The following EPSTI1 variants were observed in gnomAD, a reference collection of about 807,000 sequenced individuals.
EPSTI1 encodes epithelial-stromal interaction protein 1.
A neutral mutation model predicts 49.9 loss-of-function variants in EPSTI1; 66 were observed. That is an observed-to-expected ratio of 1.32 (90% CI 1.08 to 1.62). The LOEUF (loss-of-function observed/expected upper bound fraction) is 1.62. EPSTI1 is among the 40% of genes most tolerant of loss of function. The pLI, the probability that EPSTI1 is intolerant of heterozygous loss-of-function variation, is 0.00. For missense variants in EPSTI1, 394 were observed against 365.5 expected (o/e 1.08, Z -0.64); for synonymous variants, 137 against 130.7 (o/e 1.05, Z -0.33).
At chr13:42,972,235 G>C (rs1026562800) in intron 1 of EPSTI1, among the ~76,000 whole-genome samples, 1 of 152,160 alleles carries the variant, frequency 6.6e-6, no homozygotes, top group Non-Finnish European at 1.5e-5. Context: ...CTATACTCCA[G>C]ATCAGTAGTT....
At chr13:42,916,912 G>C (rs531717759) in intron 8 of EPSTI1, among the ~76,000 whole-genome samples, 30 of 152,094 alleles carry the variant, frequency 2.0e-4, no homozygotes, top group African/African-American at 7.0e-4. Flanking sequence ...ATTAAAAGCA[G>C]GTATGAACAT....
intron 1 of EPSTI1, among the ~76,000 whole-genome samples, chr13:42,986,759 A>C (rs1305220328): frequency 6.6e-6 from 1 of 151,412 alleles, no homozygotes; most frequent in Non-Finnish European, 1.5e-5. Flanking sequence ...AAAAAAAAAA[A>C]AAAAAAAAAA....
chr13:42,967,881 G>C (rs1465619685), intron 3 of EPSTI1, among the ~76,000 whole-genome samples: 2 of 152,154 alleles, frequency 1.3e-5, no homozygotes, highest in Non-Finnish European at 2.9e-5. Context: ...CATGAATAGA[G>C]AAAAGTCCAG....
At chr13:42,926,020 C>CATGG (rs2038159974) in intron 7 of EPSTI1, among the ~76,000 whole-genome samples, 4 of 21,258 alleles carry the variant, frequency 1.9e-4, no homozygotes, top group Admixed American at 4.0e-4. Context: ...TGGATGGATG[C>CATGG]ATGGATGGAA....
intron 3 of EPSTI1, among the ~76,000 whole-genome samples, chr13:42,964,455 A>C (rs1232748189): frequency 6.6e-6 from 1 of 152,194 alleles, no homozygotes; most frequent in African/African-American, 2.4e-5. Flanking sequence ...AAACAGAAGA[A>C]ATAGTGCCTG....
intron 1 of EPSTI1, among the ~76,000 whole-genome samples, chr13:42,989,584 G>C (rs9594845): frequency 1.4e-3 from 41 of 28,942 alleles, no homozygotes; most frequent in African/African-American, 4.1e-3. Flanking sequence ...TTTTTTTTTT[G>C]CTTTTTGTTT....
intron 6 of EPSTI1, among the ~76,000 whole-genome samples, chr13:42,952,989 C>T (rs1022912758): frequency 2.6e-5 from 4 of 152,066 alleles, no homozygotes; most frequent in Non-Finnish European, 5.9e-5. Context: ...ATTCTGCAAA[C>T]AAGGAACAAC....
At chr13:42,976,436 G>A (rs1439671201) in intron 1 of EPSTI1, among the ~76,000 whole-genome samples, 1 of 152,152 alleles carries the variant, frequency 6.6e-6, no homozygotes, top group Non-Finnish European at 1.5e-5. Context: ...AAGTGTACCT[G>A]AGGCCCTAGG....
At chr13:42,943,411 A>G (rs1418207638) in intron 6 of EPSTI1, among the ~76,000 whole-genome samples, 1 of 152,144 alleles carries the variant, frequency 6.6e-6, no homozygotes, top group Non-Finnish European at 1.5e-5. Context: ...TCCAAACACT[A>G]TCCTGGATCT....
intron 1 of EPSTI1, among the ~76,000 whole-genome samples, chr13:42,989,560 C>CTTCTTTTT (rs1555271083): frequency 2.7e-5 from 1 of 37,028 alleles, no homozygotes; most frequent in African/African-American, 6.7e-5. Context: ...ACTTTATCCT[C>CTTCTTTTT]TTTTTTCTTT....
At chr13:42,980,098 G>T (rs1389207455) in intron 1 of EPSTI1, among the ~76,000 whole-genome samples, 1 of 151,944 alleles carries the variant, frequency 6.6e-6, no homozygotes, top group Non-Finnish European at 1.5e-5. Context: ...GTAAGGAAAA[G>T]ATTATTTCCT....
At position 42,893,721 on chromosome 13, in the gene EPSTI1, AAGTTTTAAG is replaced by A. The variant is rs2037105914; in HGVS notation, c.915+1279_915+1287del. On this transcript the variant is annotated intron_variant, in intron 10 of 10. Coordinates refer to ENST00000313624, the MANE Select transcript of EPSTI1 (RefSeq NM_033255.5). ...CCTCAGTCCCAGATAGGTGCTTTCT[AAGTTTTAAG>A]AGCGGTTCCATAGAGAAGAAATGAC... Among the ~76,000 whole-genome samples, 33 of 152,316 alleles carry A rather than the reference AAGTTTTAAG, an allele frequency of 2.2e-4. No homozygotes were observed. In the South Asian group the frequency reaches 6.4e-3, roughly 30 times the overall value.
At chr13:42,960,837 A>G (rs1403874986) in intron 5 of EPSTI1, among the ~76,000 whole-genome samples, 2 of 152,038 alleles carry the variant, frequency 1.3e-5, no homozygotes, top group African/African-American at 4.8e-5. Context: ...TCATCTCTTC[A>G]TTCTCTATCT....
chr13:42,947,515 G>T (rs1469828290), intron 6 of EPSTI1, among the ~76,000 whole-genome samples: 1 of 152,144 alleles, frequency 6.6e-6, no homozygotes, highest in East Asian at 1.9e-4. Flanking sequence ...TCCAGAGGTG[G>T]TCTCACAAAT....
chr13:42,928,246 A>C (rs187107379), intron 6 of EPSTI1, among the ~76,000 whole-genome samples: 25 of 152,300 alleles, frequency 1.6e-4, no homozygotes, highest in African/African-American at 4.3e-4. Flanking sequence ...ACACTAACTC[A>C]TATTTTTCTA....
At chr13:42,913,889 T>G (rs1291665757) in intron 8 of EPSTI1, among the ~76,000 whole-genome samples, 1 of 152,250 alleles carries the variant, frequency 6.6e-6, no homozygotes, top group African/African-American at 2.4e-5. Flanking sequence ...ATTGCCTCCC[T>G]GCTGTTCTCA....
chr13:42,912,939 CA>C (rs958810200), intron 8 of EPSTI1, among the ~76,000 whole-genome samples: 1 of 150,446 alleles, frequency 6.6e-6, no homozygotes, highest in African/African-American at 2.4e-5. Context: ...AGAGCAAAGA[CA>C]ATAAGGGTAA....
At chr13:42,965,579 A>AG (rs1412704452) in intron 3 of EPSTI1, among the ~76,000 whole-genome samples, 1 of 152,238 alleles carries the variant, frequency 6.6e-6, no homozygotes, top group Non-Finnish European at 1.5e-5. Context: ...ATCTGAGGAA[A>AG]GATGTCATTC....
chr13:42,923,150 G>A (rs2038065617), intron 7 of EPSTI1, among the ~76,000 whole-genome samples: 1 of 152,206 alleles, frequency 6.6e-6, no homozygotes, highest in Admixed American at 6.5e-5. Flanking sequence ...AAAGGACTTT[G>A]TGCCTAAGCT....
Sources: gnomAD v4.1 joint callset for allele counts (sites outside exome capture counted in the v4.1 genomes callset) on GRCh38, gnomAD v4.1.1 for gene constraint, MANE v1.5 for transcripts, NCBI Gene and HGNC (gene_info 2026-07-23, HGNC 2026-07-21) for gene names.